Variants in ERBB4 observed in about 807,000 individuals in gnomAD.
The protein encoded by ERBB4 is receptor tyrosine-protein kinase erbB-4.
ERBB4 carries 42 observed loss-of-function variants against 158.0 expected under a neutral mutation model. The observed-to-expected ratio is 0.27, with a 90% CI of 0.21 to 0.34. ERBB4 has a LOEUF of 0.34. Among genes scored for constraint, ERBB4 ranks in the 10% least tolerant of loss-of-function variants. The pLI is 1.00. For synonymous variants in ERBB4, 583 were observed against 558.7 expected, an observed-to-expected ratio of 1.04 and a Z score of -0.61; for missense variants, 1,333 against 1,624.1, an observed-to-expected ratio of 0.82 and a Z score of 3.08.
chr2:212,227,974 C>A (rs532926706), intron 1 of ERBB4, among the ~76,000 whole-genome samples: 1 of 152,256 alleles, frequency 6.6e-6, no homozygotes, highest in African/African-American at 2.4e-5. Context: ...TTCTGCCAAT[C>A]AAGCTGAGCT....
intron 1 of ERBB4, among the ~76,000 whole-genome samples, chr2:212,138,801 A>G (rs1313770706): frequency 1.3e-5 from 2 of 152,172 alleles, no homozygotes; most frequent in Non-Finnish European, 2.9e-5. Flanking sequence ...ATTGAAAACT[A>G]TTCCATTTCA....
chr2:211,641,574 T>C (rs758026970), intron 16 of ERBB4, among the ~76,000 whole-genome samples: 5 of 152,134 alleles, frequency 3.3e-5, no homozygotes, highest in Non-Finnish European at 5.9e-5. Context: ...AATTTGACAT[T>C]AAATATTAAA....
At chr2:211,695,924 C>T (rs567139264) in intron 12 of ERBB4, among the ~76,000 whole-genome samples, 2 of 151,944 alleles carry the variant, frequency 1.3e-5, no homozygotes, top group South Asian at 4.2e-4. Flanking sequence ...ATGTATAGCT[C>T]GCTCTTGCTC....
chr2:212,067,472 T>G (rs2077978970), intron 2 of ERBB4, among the ~76,000 whole-genome samples: 1 of 152,024 alleles, frequency 6.6e-6, no homozygotes, highest in South Asian at 2.1e-4. Context: ...ATTCTTCTAA[T>G]TTTGTCCAAT....
intron 1 of ERBB4, chr2:212,426,443 C>T: frequency 2.4e-6 from 1 of 410,582 alleles, no homozygotes; most frequent in South Asian, 1.9e-5. Context: ...TTAGTAATTT[C>T]TTGCAGCTGA....
intron 20 of ERBB4, among the ~76,000 whole-genome samples, chr2:211,453,620 T>C (rs1268511564): frequency 6.6e-6 from 1 of 152,180 alleles, no homozygotes; most frequent in East Asian, 1.9e-4. Flanking sequence ...TTCATAGCAT[T>C]AGAGTGCTTT....
At chr2:211,623,031 ATATATATATATAT>A (rs1559357094) in intron 18 of ERBB4, among the ~76,000 whole-genome samples, 1 of 102,930 alleles carries the variant, frequency 9.7e-6, no homozygotes, top group African/African-American at 4.0e-5. Flanking sequence ...ATATATATAT[ATATATATATATAT>A]AAAATGCCAA....
chr2:211,622,542 A>AT (rs906368136), intron 18 of ERBB4, among the ~76,000 whole-genome samples: 3 of 152,194 alleles, frequency 2.0e-5, no homozygotes, highest in African/African-American at 4.8e-5. Flanking sequence ...AATTATTAAT[A>AT]TTTTTTGTTA....
intron 1 of ERBB4, among the ~76,000 whole-genome samples, chr2:212,526,506 G>A (rs749037037): frequency 1.3e-5 from 2 of 151,926 alleles, no homozygotes; most frequent in Non-Finnish European, 2.9e-5. Flanking sequence ...TTCCGAATAC[G>A]TTTTTAAAGG....
intron 20 of ERBB4, among the ~76,000 whole-genome samples, chr2:211,528,268 A>G (rs2066405983): frequency 6.6e-6 from 1 of 152,086 alleles, no homozygotes; most frequent in Non-Finnish European, 1.5e-5. Context: ...AAAGCAGGTC[A>G]TTATATAATG....
chr2:211,817,655 T>G (rs1360889712), intron 3 of ERBB4, among the ~76,000 whole-genome samples: 1 of 152,144 alleles, frequency 6.6e-6, no homozygotes, highest in East Asian at 1.9e-4. Flanking sequence ...AAGGCAGTAT[T>G]CCCTCCTTGC....
At chr2:212,128,557 T>C (rs779488374) in intron 1 of ERBB4, among the ~76,000 whole-genome samples, 11 of 152,180 alleles carry the variant, frequency 7.2e-5, no homozygotes, top group South Asian at 4.1e-4. Context: ...AAGCAATAGA[T>C]ATTTTACATT....
rs187193990 is a variant in ERBB4 at position 212,091,145 on chromosome 2, G to A, written c.234+33607C>T. Among the ~76,000 whole-genome samples, 138 of 151,876 alleles carry A rather than the reference G, an allele frequency of 9.1e-4. 1 individual carries two copies. Among genetic ancestry groups the A allele is most frequent in the Middle Eastern group, 3.4e-3 (1 of 294 alleles). ...AGAAAACAGAATGTGAAAAATAATG[G>A]CATTTTCCTTGGCGTGACAGAGAGG... On this transcript the variant is annotated intron_variant, in intron 2 of 27. Coordinates refer to ENST00000342788, the MANE Select transcript of ERBB4 (RefSeq NM_005235.3).
intron 2 of ERBB4, among the ~76,000 whole-genome samples, chr2:212,055,640 C>G (rs1192789184): frequency 6.6e-6 from 1 of 152,238 alleles, no homozygotes; most frequent in African/African-American, 2.4e-5. Context: ...TGTTCTGCAG[C>G]CACCACTGCT....
chr2:211,591,082 C>T (rs1399902171), intron 19 of ERBB4, among the ~76,000 whole-genome samples: 1 of 152,176 alleles, frequency 6.6e-6, no homozygotes, highest in Non-Finnish European at 1.5e-5. Flanking sequence ...AATGCTAAAA[C>T]TGTGAAATAT....
intron 1 of ERBB4, among the ~76,000 whole-genome samples, chr2:212,221,133 T>C (rs1042749380): frequency 1.3e-5 from 2 of 151,300 alleles, no homozygotes; most frequent in African/African-American, 4.8e-5. Flanking sequence ...AGTGGCAGTC[T>C]CCAGTTGCAA....
intron 2 of ERBB4, among the ~76,000 whole-genome samples, chr2:212,094,817 C>T (rs1173042539): frequency 6.6e-6 from 1 of 152,046 alleles, no homozygotes; most frequent in Non-Finnish European, 1.5e-5. Context: ...AATGGACTAA[C>T]ATAGTCCATA....
chr2:212,330,851 A>G (rs895994883), intron 1 of ERBB4, among the ~76,000 whole-genome samples: 3 of 151,120 alleles, frequency 2.0e-5, no homozygotes, highest in African/African-American at 7.3e-5. Flanking sequence ...AGGATTTCCT[A>G]CTGGGTAGAT....
intron 19 of ERBB4, among the ~76,000 whole-genome samples, chr2:211,574,151 G>A (rs2067823637): frequency 6.6e-6 from 1 of 152,180 alleles, no homozygotes. Context: ...AAAAGCTGCA[G>A]CTGCAGGGTG....
Sources: gnomAD v4.1 joint callset for allele counts (sites outside exome capture counted in the v4.1 genomes callset) on GRCh38, gnomAD v4.1.1 for gene constraint, MANE v1.5 for transcripts, NCBI Gene and HGNC (gene_info 2026-07-23, HGNC 2026-07-21) for gene names.